Variants in TMEM163 observed in about 807,000 individuals in gnomAD.
The protein encoded by TMEM163 is transmembrane protein 163.
In TMEM163, 17 loss-of-function variants were observed where a neutral mutation model predicts 29.3. The observed-to-expected ratio is 0.58, with a 90% confidence interval of 0.40 to 0.87. TMEM163 has a LOEUF of 0.87. Ranked by LOEUF, TMEM163 falls within the 40% of genes least tolerant of loss-of-function variation. The pLI, the probability that TMEM163 is intolerant of heterozygous loss-of-function variation, is 0.00. For synonymous variants in TMEM163, 157 were observed against 160.6 expected (o/e 0.98, Z 0.17); for missense variants, 303 against 381.5 (o/e 0.79, Z 1.71).
chr2:134,480,355 G>A (rs897722999), intron 5 of TMEM163, among the ~76,000 whole-genome samples: 6 of 152,106 alleles, frequency 3.9e-5, no homozygotes, highest in African/African-American at 1.4e-4. Context: ...CTGCTCAAGT[G>A]TCAGCTTCTC....
intron 2 of TMEM163, among the ~76,000 whole-genome samples, 159 bp downstream of exon 2, chr2:134,713,041 G>A (rs1402969627): frequency 6.6e-6 from 1 of 152,092 alleles, no homozygotes; most frequent in East Asian, 1.9e-4. Context: ...AGAGAAGAAA[G>A]CCTTTTGACT....
chr2:134,535,079 A>T (rs766054349), intron 4 of TMEM163, among the ~76,000 whole-genome samples: 1 of 152,212 alleles, frequency 6.6e-6, no homozygotes, highest in African/African-American at 2.4e-5. Context: ...AGATTCTAAC[A>T]CATGTCCTCA....
In TMEM163 at chr2:134,578,659, C is replaced by T. The variant is rs191075360; in HGVS notation, c.323-26568G>A. Among the ~76,000 whole-genome samples the T allele has an allele frequency of 9.5e-4, 144 of 152,282 alleles. 1 individual carries two copies. The highest frequency in any genetic ancestry group is 3.3e-3 in the African/African-American group (137 of 41,564). ...ACTAACAAGCAGCTGTGATTATTCCCTTCTCTGCATGTCCAGTAATCTGAC... is the reference window on the plus strand; with the variant it reads ...ACTAACAAGCAGCTGTGATTATTCCTTTCTCTGCATGTCCAGTAATCTGAC... On this transcript the variant is annotated intron_variant, in intron 2 of 7. Coordinates refer to ENST00000281924, the MANE Select transcript of TMEM163 (RefSeq NM_030923.5).
intron 2 of TMEM163, among the ~76,000 whole-genome samples, chr2:134,611,554 T>C (rs1682504274): frequency 6.6e-6 from 1 of 152,000 alleles, no homozygotes; most frequent in South Asian, 2.1e-4. Context: ...TATTCAGAGG[T>C]GTTCACTGGG....
intron 2 of TMEM163, among the ~76,000 whole-genome samples, chr2:134,565,504 G>T (rs1307754391): frequency 1.3e-5 from 2 of 151,986 alleles, no homozygotes; most frequent in Admixed American, 6.5e-5. Context: ...TACTCGGGAG[G>T]CTGAGGCAGG....
chr2:134,485,187 C>T (rs1488203435), intron 5 of TMEM163, among the ~76,000 whole-genome samples: 3 of 152,202 alleles, frequency 2.0e-5, no homozygotes, highest in African/African-American at 7.2e-5. Context: ...AACATCCTGG[C>T]TTAGCCTAGC....
intron 4 of TMEM163, among the ~76,000 whole-genome samples, chr2:134,533,228 TA>T (rs1387017141): frequency 2.0e-5 from 3 of 152,184 alleles, no homozygotes; most frequent in Non-Finnish European, 4.4e-5. Context: ...ATGAGGTCAT[TA>T]AAAAGAATGG....
intron 2 of TMEM163, among the ~76,000 whole-genome samples, chr2:134,642,934 T>A (rs573876128): frequency 6.6e-6 from 1 of 152,112 alleles, no homozygotes; most frequent in African/African-American, 2.4e-5. Flanking sequence ...AGCAATAATC[T>A]TAGTTTCTAC....
At chr2:134,464,534 C>T (rs539650096) in intron 6 of TMEM163, among the ~76,000 whole-genome samples, 1 of 152,258 alleles carries the variant, frequency 6.6e-6, no homozygotes, top group Admixed American at 6.5e-5. Context: ...CATCTTCAGG[C>T]CTGTTCAAAG....
At chr2:134,650,114 C>T (rs897601407) in intron 2 of TMEM163, among the ~76,000 whole-genome samples, 4 of 150,500 alleles carry the variant, frequency 2.7e-5, no homozygotes, top group African/African-American at 9.8e-5. Flanking sequence ...GCAATACGCA[C>T]AGTACAACCA....
rs192231473 is a variant in TMEM163 at position 134,526,666 on chromosome 2, T to G, written c.459-23669A>C. On this transcript the variant is annotated intron_variant, in intron 4 of 7. Transcript: ENST00000281924. ...ATTAATAAAGTCTCTCCAACTAGAT[T>G]AGCTACTTCTAAAATCAGAGTGTAA... Among the ~76,000 whole-genome samples the G allele has an allele frequency of 7.2e-5, 11 of 152,306 alleles. 2 individuals carry two copies. The highest frequency in any genetic ancestry group is 2.6e-4 in the African/African-American group (11 of 41,552).
At chr2:134,585,369 T>C (rs1322767141) in intron 2 of TMEM163, among the ~76,000 whole-genome samples, 1 of 152,294 alleles carries the variant, frequency 6.6e-6, no homozygotes, top group East Asian at 1.9e-4. Flanking sequence ...GTAAAACCTT[T>C]AGGCAAGTTA....
chr2:134,550,542 G>T (rs1198603133), intron 4 of TMEM163, 28 bp downstream of exon 4: 9 of 1,609,612 alleles, frequency 5.6e-6, no homozygotes, highest in Non-Finnish European at 7.7e-6. Flanking sequence ...GGGTTCTTCA[G>T]CCTGGAGAAA....
At chr2:134,715,676 A>T (rs1367867905) in intron 1 of TMEM163, among the ~76,000 whole-genome samples, 2 of 152,196 alleles carry the variant, frequency 1.3e-5, no homozygotes, top group Non-Finnish European at 2.9e-5. Context: ...AGGTACCTCC[A>T]CACTCATGTT....
At chr2:134,633,349 G>A (rs1683023568) in intron 2 of TMEM163, among the ~76,000 whole-genome samples, 1 of 152,174 alleles carries the variant, frequency 6.6e-6, no homozygotes, top group Non-Finnish European at 1.5e-5. Flanking sequence ...TGGGAGGTGA[G>A]GGAGGAGGAT....
At chr2:134,537,749 T>C (rs1680573042) in intron 4 of TMEM163, among the ~76,000 whole-genome samples, 1 of 152,216 alleles carries the variant, frequency 6.6e-6, no homozygotes, top group African/African-American at 2.4e-5. Flanking sequence ...AAAATCAAGC[T>C]TCAATCCATG....
At chr2:134,604,977 C>T (rs1163540321) in intron 2 of TMEM163, among the ~76,000 whole-genome samples, 2 of 151,990 alleles carry the variant, frequency 1.3e-5, no homozygotes, top group African/African-American at 4.8e-5. Context: ...GTCGGGATTT[C>T]GAGATCAGTC....
chr2:134,482,634 C>T (rs1207667133), intron 5 of TMEM163, among the ~76,000 whole-genome samples: 1 of 152,178 alleles, frequency 6.6e-6, no homozygotes, highest in South Asian at 2.1e-4. Context: ...GAGAACTTTT[C>T]ATCACCACTT....
At chr2:134,585,242 C>T (rs1167605558) in intron 2 of TMEM163, among the ~76,000 whole-genome samples, 1 of 152,158 alleles carries the variant, frequency 6.6e-6, no homozygotes, top group Admixed American at 6.5e-5. Context: ...CTCAAGTGAT[C>T]CTCCCACCTC....
Sources: gnomAD v4.1 joint callset for allele counts (sites outside exome capture counted in the v4.1 genomes callset) on GRCh38, gnomAD v4.1.1 for gene constraint, MANE v1.5 for transcripts, NCBI Gene and HGNC (gene_info 2026-07-23, HGNC 2026-07-21) for gene names.